FNDC1: variants seen among roughly 807,000 people sequenced by gnomAD.
FNDC1 encodes the protein fibronectin type III domain-containing protein 1.
Under a neutral mutation model 168.0 loss-of-function variants are expected in FNDC1, and 96 were observed. The observed-to-expected ratio is 0.57, with a 90% CI of 0.48 to 0.68. The LOEUF is 0.68. Ranked by LOEUF, FNDC1 falls within the 30% of genes least tolerant of loss-of-function variation. The pLI, the probability that FNDC1 is intolerant of heterozygous loss-of-function variation, is 0.00. For missense variants in FNDC1, 2,587 were observed against 2,482.1 expected (o/e 1.04, Z -0.90); for synonymous variants, 1,099 against 1,025.9 (o/e 1.07, Z -1.36).
chr6:159,181,513 A>G (rs898112654), intron 1 of FNDC1, among the ~76,000 whole-genome samples: 1 of 152,336 alleles, frequency 6.6e-6, no homozygotes, highest in Middle Eastern at 3.4e-3. Flanking sequence ...AGAAGTTGGG[A>G]TTGCTGTGGC....
At chr6:159,205,275 G>T (rs1381034741) in intron 4 of FNDC1, among the ~76,000 whole-genome samples, 1 of 152,216 alleles carries the variant, frequency 6.6e-6, no homozygotes, top group Non-Finnish European at 1.5e-5. Flanking sequence ...CATGGGCATA[G>T]CTACAGATTG....
intron 4 of FNDC1, among the ~76,000 whole-genome samples, chr6:159,214,362 G>T (rs1322822666): frequency 2.0e-5 from 3 of 152,174 alleles, no homozygotes; most frequent in African/African-American, 7.2e-5. Flanking sequence ...AATGTAGCAA[G>T]TAAAAAAAAC....
intron 1 of FNDC1, among the ~76,000 whole-genome samples, chr6:159,186,383 C>A (rs1781999885): frequency 6.6e-6 from 1 of 152,176 alleles, no homozygotes; most frequent in African/African-American, 2.4e-5. Flanking sequence ...GAGCCATTAA[C>A]CCTTGAGATA....
Position 159,232,005 on chromosome 6 carries a change from A to G in FNDC1, c.1493A>G (p.Gln498Arg), listed in dbSNP as rs1183539388. The change falls in exon 11 of 23, where the codon CAA becomes CGA. Residue 498 changes from glutamine (Q) to arginine (R), a missense_variant. By Grantham distance (43) the Gln-to-Arg change is conservative. Transcript: ENST00000297267. The surrounding 1 kb of genome is among the most constrained non-coding windows in gnomAD (Gnocchi z 4.9). ...SQHPSVPASP[Q>R]GRNAKDLLLD... ...CACCCCTCTGTGCCTGCTTCTCCCC[A>G]AGGGAGAAATGCCAAGGACCTTCTT... 1 of 1,613,830 alleles carries G rather than the reference A, an allele frequency of 6.2e-7. No individual in the cohort carries two copies. Among genetic ancestry groups the G allele is most frequent in the South Asian group, 1.1e-5 (1 of 91,066 alleles).
rs375963246 is a variant in FNDC1, at chr6:159,266,121, T to C, written c.5322T>C (p.His1774=). The change falls in exon 21 of 23, where the codon CAT becomes CAC. Residue 1774 remains histidine, a synonymous_variant. Coordinates refer to ENST00000297267, the MANE Select transcript of FNDC1 (RefSeq NM_032532.3). ...TCTGGATCCCATTCGCTTTCAAACA[T>C]GATCCCAGCTACACGGACTGCCATG... ...EPIWIPFAFK[H]DPSYTDCHGR... 80 of 1,613,952 alleles carry C rather than the reference T, an allele frequency of 5.0e-5. No homozygotes were observed. In the East Asian group the frequency reaches 9.4e-4, roughly 19 times the overall value.
rs1777676189 is a variant in FNDC1, at chr6:159,269,325, C to CTATCTATCTATCTATCTATT, written c.5569+1418_5569+1419insTTATCTATCTATCTATCTAT. ...CCATCTATCCTATCTATTTATCTAA[C>CTATCTATCTATCTATCTATT]TATCTATCTATCTATCTATCCATTT... is the stretch of plus-strand genomic sequence containing the variant. On this transcript the variant is annotated intron_variant, in intron 22 of 22. Transcript: ENST00000297267. 6.3e-5 allele frequency among the ~76,000 whole-genome samples: 5 copies of CTATCTATCTATCTATCTATT among 78,850 alleles called. No individual in the cohort carries two copies. The South Asian group carries it at 1.3e-3, about 20-fold the overall frequency. The allele number at this position is 78,850 out of a possible 152,430, so 51.7% of individuals were successfully genotyped here.
At position 159,226,570 on chromosome 6, in the gene FNDC1, G is replaced by A. The variant is rs370111329; in HGVS notation, c.1170G>A (p.Gly390=). 394 of 1,603,464 alleles carry A rather than the reference G, an allele frequency of 2.5e-4. No individual in the cohort carries two copies. The highest frequency in any genetic ancestry group is 3.3e-4 in the Non-Finnish European group (383 of 1,174,552). Residue 390 remains glycine, a synonymous_variant, in exon 9 of 23, where the codon GGG becomes GGA. Coordinates refer to ENST00000297267, the MANE Select transcript of FNDC1 (RefSeq NM_032532.3). ...ASWDALPETE[G]KVKEYILSYA... ...GGGATGCGCTACCAGAGACTGAGGG[G>A]AAAGTGAAAGGTAGGAATCTCACTC...
intron 4 of FNDC1, among the ~76,000 whole-genome samples, chr6:159,205,540 C>T (rs1782469340): frequency 6.6e-6 from 1 of 152,174 alleles, no homozygotes; most frequent in Admixed American, 6.5e-5. Flanking sequence ...AGGTTCAGGC[C>T]CTGACTAGCT....
chr6:159,249,290 T>A, intron 16 of FNDC1, 108 bp downstream of exon 16: 8 of 1,089,610 alleles, frequency 7.3e-6, no homozygotes, highest in Non-Finnish European at 1.0e-5. Flanking sequence ...TTTTGAGAAG[T>A]TTTTCCAGAA....
chr6:159,221,153 ATTCTT>A (rs954460056), intron 5 of FNDC1, among the ~76,000 whole-genome samples: 3 of 152,254 alleles, frequency 2.0e-5, no homozygotes, highest in African/African-American at 7.2e-5. Flanking sequence ...CACATTGGCT[ATTCTT>A]TTCTTTTCTT....
intron 5 of FNDC1, among the ~76,000 whole-genome samples, chr6:159,219,395 C>G (rs1286772074): frequency 6.6e-6 from 1 of 152,128 alleles, no homozygotes; most frequent in Non-Finnish European, 1.5e-5. Flanking sequence ...ATCTTGACAC[C>G]ATTGCATGTT....
In FNDC1 at chr6:159,234,139, C is replaced by T. The variant is rs1783187370; in HGVS notation, c.3627C>T (p.Pro1209=). 1 of 1,601,778 alleles carries T rather than the reference C, an allele frequency of 6.2e-7. No homozygotes were observed. Among genetic ancestry groups the T allele is most frequent in the African/African-American group, 1.3e-5 (1 of 74,616 alleles). ...CAAAGTGGCCCTCTTCCTCCACTCC[C>T]AGGGGCGGCAAAGACGCCGATGGGA... ...SVPKWPSSST[P]RGGKDADGSL... The change falls in exon 11 of 23, where the codon CCC becomes CCT. Residue 1209 remains proline (P), a synonymous_variant. Transcript: ENST00000297267.
chr6:159,232,718 C>T lies in FNDC1; in HGVS notation c.2206C>T (p.Leu736=). 1 of 1,613,970 alleles carries T rather than the reference C, an allele frequency of 6.2e-7. No individual in the cohort carries two copies. The highest frequency in any genetic ancestry group is 2.2e-5 in the East Asian group (1 of 44,864). ...SSRLLPTQPH[L]SSPLSKGGKD... is the part of the protein sequence containing the mutation. ...TCGGCTGCTGCCCACCCAGCCACAC[C>T]TGAGCTCTCCACTTTCCAAGGGCGG... The change falls in exon 11 of 23, where the codon CTG becomes TTG. Residue 736 remains leucine, a synonymous_variant. Coordinates refer to ENST00000297267, the MANE Select transcript of FNDC1 (RefSeq NM_032532.3). The surrounding 1 kb of genome is among the most constrained non-coding windows in gnomAD (Gnocchi z 4.9).
At chr6:159,227,637 C>T (rs1411403438) in intron 9 of FNDC1, among the ~76,000 whole-genome samples, 10 of 125,340 alleles carry the variant, frequency 8.0e-5, no homozygotes, top group African/African-American at 1.8e-4. Context: ...TTGTACTATT[C>T]TTCTTTCTCT....
Position 159,232,566 on chromosome 6 carries a change from G to A in FNDC1, c.2054G>A (p.Ser685Asn), listed in dbSNP as rs770037826. The A allele has an allele frequency of 6.2e-7, 1 of 1,611,366 alleles. No individual in the cohort carries two copies. The highest frequency in any genetic ancestry group is 8.5e-7 in the Non-Finnish European group (1 of 1,178,554). The change falls in exon 11 of 23, where the codon AGC becomes AAC. Residue 685 changes from serine (S) to asparagine (N), a missense_variant. Ser to Asn is a conservative substitution (Grantham distance 46). Coordinates refer to ENST00000297267, the MANE Select transcript of FNDC1 (RefSeq NM_032532.3). This position sits in a 1 kb window ranked among gnomAD's most constrained non-coding sequence, Gnocchi z 4.9. ...QSPSSVLRDR[S>N]SVHPGAKPAS... ...CCGTCCAGCGTTCTCCGCGACAGAA[G>A]CTCTGTGCACCCCGGCGCAAAGCCA... is the stretch of plus-strand genomic sequence containing the variant.
chr6:159,256,275 T>G (rs915491750), intron 17 of FNDC1, among the ~76,000 whole-genome samples: 1 of 152,198 alleles, frequency 6.6e-6, no homozygotes, highest in African/African-American at 2.4e-5. Context: ...GGCTGGGGAA[T>G]GAGCAAGAGA....
intron 4 of FNDC1, among the ~76,000 whole-genome samples, chr6:159,204,142 T>C (rs1381657450): frequency 6.6e-6 from 1 of 152,072 alleles, no homozygotes; most frequent in Non-Finnish European, 1.5e-5. Context: ...CAGCATAGAG[T>C]CCACAATTAC....
rs770235323 is a variant in FNDC1 at position 159,266,249 on chromosome 6, A to G, written c.5446+4A>G. ...TACCTCAGTGACAACCTGAAAGGTA[A>G]GTCTTTGTGCATGGTTGGCTATGGG... is the stretch of plus-strand genomic sequence containing the variant. On this transcript the variant is annotated splice_donor_region_variant and intron_variant, in intron 21 of 22. Transcript: ENST00000297267. 1.6e-5 allele frequency: 26 copies of G among 1,613,744 alleles called. No homozygotes were observed. The East Asian group carries it at 4.2e-4, about 26-fold the overall frequency.
intron 14 of FNDC1, among the ~76,000 whole-genome samples, chr6:159,241,651 TA>T (rs1189072086): frequency 2.0e-5 from 3 of 152,240 alleles, no homozygotes; most frequent in African/African-American, 7.2e-5. Context: ...TTTGTTAGTT[TA>T]AAAAGACTTC....
Sources: allele counts gnomAD v4.1 joint callset (sites outside exome capture counted in the v4.1 genomes callset), GRCh38; gene constraint gnomAD v4.1.1; non-coding constraint Gnocchi (gnomAD v3.1); transcripts MANE v1.5; gene names NCBI Gene and HGNC (gene_info 2026-07-23, HGNC 2026-07-21).